The following ATAD1 variants were observed in gnomAD, a reference collection of about 807,000 sequenced individuals.
ATAD1 encodes outer mitochondrial transmembrane helix translocase.
Under a neutral mutation model 42.7 loss-of-function variants are expected in ATAD1, and 18 were observed. The observed-to-expected ratio is 0.42, with a 90% CI of 0.29 to 0.63. The LOEUF (loss-of-function observed/expected upper bound fraction) is 0.63. Among genes scored for constraint, ATAD1 ranks in the 20% least tolerant of loss-of-function variants. The probability of loss-of-function intolerance (pLI) is 0.19; values close to 1 mark genes in which losing one functional copy is unlikely to be tolerated. For missense variants in ATAD1, 294 were observed against 440.4 expected (o/e 0.67, Z 2.98); for synonymous variants, 132 against 143.1 (o/e 0.92, Z 0.55).
chr10:87,755,777 T>C (rs1280028298), intron 9 of ATAD1, among the ~76,000 whole-genome samples: 1 of 151,990 alleles, frequency 6.6e-6, no homozygotes, highest in Non-Finnish European at 1.5e-5. Flanking sequence ...GGCATGGTGA[T>C]GGGCGCCTAT....
chr10:87,818,020 G>GA, intron 1 of ATAD1, 147 bp downstream of exon 1: 3 of 985,802 alleles, frequency 3.0e-6, no homozygotes, highest in Non-Finnish European at 3.6e-6. Context: ...GGGCTGCGGG[G>GA]CGCTTGGGGG....
intron 4 of ATAD1, among the ~76,000 whole-genome samples, chr10:87,785,968 A>C (rs1855814308): frequency 6.6e-6 from 1 of 152,124 alleles, no homozygotes; most frequent in Non-Finnish European, 1.5e-5. Flanking sequence ...AATACATGTT[A>C]ATTGTATTTT....
intron 8 of ATAD1, among the ~76,000 whole-genome samples, chr10:87,758,430 T>C (rs545177025): frequency 1.3e-5 from 2 of 152,080 alleles, no homozygotes; most frequent in South Asian, 4.1e-4. Context: ...AAAAGCATAA[T>C]AAATGGAAAG....
At chr10:87,772,027 G>C (rs1020912582) in intron 6 of ATAD1, among the ~76,000 whole-genome samples, 2 of 151,952 alleles carry the variant, frequency 1.3e-5, no homozygotes, top group African/African-American at 4.8e-5. Flanking sequence ...TGACATTCAG[G>C]AGCCTCAGAG....
Position 87,840,395 on chromosome 10 carries a change from G to C in ATAD1, c.-14+792C>G, listed in dbSNP as rs1234045121. 2.0e-5 allele frequency among the ~76,000 whole-genome samples: 3 copies of C among 152,142 alleles called. No homozygotes were observed. In the East Asian group the frequency reaches 5.8e-4, roughly 29 times the overall value. On this transcript the variant is annotated intron_variant, in intron 1 of 4. Transcript: ENST00000495903. The stretch of plus-strand genomic sequence containing the variant: ...TAGCTACTTGAAGGCTGAGGTGGGA[G>C]GATCACTTGAGCCCAGGAGGTTGAG...
chr10:87,808,211 C>G (rs1432944555), intron 2 of ATAD1, among the ~76,000 whole-genome samples: 1 of 151,914 alleles, frequency 6.6e-6, no homozygotes. Flanking sequence ...TTAATAATGA[C>G]TATTTAGTTT....
intron 8 of ATAD1, among the ~76,000 whole-genome samples, chr10:87,764,225 C>T (rs1854629253): frequency 6.6e-6 from 1 of 151,898 alleles, no homozygotes; most frequent in African/African-American, 2.4e-5. Context: ...TATGGGAGAC[C>T]GATGCACGTG....
At chr10:87,797,353 G>A (rs907329674) in intron 2 of ATAD1, among the ~76,000 whole-genome samples, 9 of 151,970 alleles carry the variant, frequency 5.9e-5, no homozygotes, top group East Asian at 3.9e-4. Context: ...AAATCCATGC[G>A]CTTGGTTTCT....
At chr10:87,776,496 T>C (rs1423495358) in intron 5 of ATAD1, 69 bp from the exon 6 acceptor site, 15 of 1,301,802 alleles carry the variant, frequency 1.2e-5, no homozygotes, top group Non-Finnish European at 1.7e-5. Flanking sequence ...TGAGACAGGG[T>C]CTCACTCTGT....
intron 8 of ATAD1, among the ~76,000 whole-genome samples, chr10:87,765,936 G>T (rs767438722): frequency 1.3e-5 from 2 of 151,938 alleles, no homozygotes; most frequent in Non-Finnish European, 2.9e-5. Context: ...TGCTTGGGAG[G>T]GTGAGGCGGG....
At chr10:87,756,968 T>A in intron 8 of ATAD1, 46 bp from the exon 9 acceptor site, 1 of 1,471,914 alleles carries the variant, frequency 6.8e-7, no homozygotes, top group Non-Finnish European at 9.1e-7. Flanking sequence ...AATAAATATA[T>A]TGTAAATGAT....
At chr10:87,792,494 T>C (rs899540898) in intron 3 of ATAD1, among the ~76,000 whole-genome samples, 163 bp downstream of exon 3, 1 of 152,188 alleles carries the variant, frequency 6.6e-6, no homozygotes, top group African/African-American at 2.4e-5. Flanking sequence ...TTGTATCTTT[T>C]CAGTGTAATA....
intron 1 of ATAD1, 88 bp downstream of exon 1, chr10:87,818,079 G>A (rs1857512290): frequency 1.0e-6 from 1 of 985,744 alleles, no homozygotes; most frequent in Non-Finnish European, 1.2e-6. Flanking sequence ...CTTTCCTCCG[G>A]GGGTTCCCAG....
At chr10:87,788,116 G>A (rs1056017784) in intron 4 of ATAD1, among the ~76,000 whole-genome samples, 2 of 152,060 alleles carry the variant, frequency 1.3e-5, no homozygotes, top group East Asian at 1.9e-4. Context: ...ACCAATTAGC[G>A]GCATCATGGT....
At position 87,792,638 on chromosome 10, in the gene ATAD1, T is replaced by TAAAAA; in HGVS notation, c.261+18_261+19insTTTTT. The TAAAAA allele has an allele frequency of 5.6e-6, 5 of 899,540 alleles. No homozygotes were observed. The highest frequency in any genetic ancestry group is 5.2e-6 in the Non-Finnish European group (3 of 582,476). 55.7% of individuals were successfully genotyped at this position (899,540 alleles called of 1,614,324 possible). A position where few individuals can be genotyped will look rare whatever the true frequency, so the allele number is the denominator to read the frequency against. On this transcript the variant is annotated intron_variant, in intron 3 of 9. Transcript: ENST00000680024. The stretch of plus-strand genomic sequence containing the variant: ...CCCCCACCTCTAAAAAAATCTTAAA[T>TAAAAA]AAGATTAAAGATACATACATGCATA...
At chr10:87,782,647 T>C (rs1331653419) in intron 5 of ATAD1, among the ~76,000 whole-genome samples, 1 of 152,076 alleles carries the variant, frequency 6.6e-6, no homozygotes, top group Non-Finnish European at 1.5e-5. Context: ...TCTAAACCTG[T>C]AGCAAGAAAA....
Position 87,801,034 on chromosome 10 carries a change from T to C in ATAD1, c.163-8279A>G, listed in dbSNP as rs761782509. On this transcript the variant is annotated intron_variant, in intron 2 of 9. Transcript: ENST00000680024. ...TTTGTTGAAGCATTAACTGACTCCT[T>C]AATAAAGGTTATAAATGCTGTGAAA... Among the ~76,000 whole-genome samples, 198 of 152,320 alleles carry C rather than the reference T, an allele frequency of 1.3e-3. 2 individuals carry two copies. The highest frequency in any genetic ancestry group is 1.5e-3 in the Non-Finnish European group (104 of 68,010).
In ATAD1 at chr10:87,756,785, A is replaced by G; in HGVS notation, c.965+4T>C. The G allele has an allele frequency of 6.3e-7, 1 of 1,589,118 alleles. No homozygotes were observed. Among genetic ancestry groups the G allele is most frequent in the Non-Finnish European group, 8.5e-7 (1 of 1,171,246 alleles). ...GTGTTAAAAATCAAGTCAAAATAAC[A>G]TACCTTTCTTCTGATGTAGAATTAA... On this transcript the variant is annotated splice_donor_region_variant and intron_variant, in intron 9 of 9. Coordinates refer to ENST00000680024, the MANE Select transcript of ATAD1 (RefSeq NM_001321967.2).
At chr10:87,761,207 T>C (rs1854469166) in intron 8 of ATAD1, among the ~76,000 whole-genome samples, 1 of 152,216 alleles carries the variant, frequency 6.6e-6, no homozygotes, top group Admixed American at 6.5e-5. Context: ...TCTTCAGATT[T>C]TATTGAAGTA....
Sources: allele counts gnomAD v4.1 joint callset (sites outside exome capture counted in the v4.1 genomes callset), GRCh38; gene constraint gnomAD v4.1.1; transcripts MANE v1.5; gene names NCBI Gene and HGNC (gene_info 2026-07-23, HGNC 2026-07-21).